KLF7: variants seen among roughly 807,000 people sequenced by gnomAD.
The protein encoded by KLF7 is Krueppel-like factor 7.
A neutral mutation model predicts 27.3 loss-of-function variants in KLF7; 2 were observed. The observed-to-expected ratio is 0.07, with a 90% CI of 0.03 to 0.23. The LOEUF (loss-of-function observed/expected upper bound fraction) is 0.23. Among genes scored for constraint, KLF7 ranks in the 10% least tolerant of loss-of-function variants. KLF7 has a pLI of 1.00. For missense variants in KLF7, 221 were observed against 394.1 expected (o/e 0.56, Z 3.72); for synonymous variants, 165 against 162.4 (o/e 1.02, Z -0.12).
At chr2:207,086,390 C>T (rs1003898429) in intron 3 of KLF7, among the ~76,000 whole-genome samples, 3 of 152,212 alleles carry the variant, frequency 2.0e-5, no homozygotes, top group African/African-American at 7.2e-5. Flanking sequence ...TGTCATGAGA[C>T]ACTAATGGGA....
At chr2:207,145,018 C>T (rs893498066) in intron 1 of KLF7, among the ~76,000 whole-genome samples, 1 of 152,204 alleles carries the variant, frequency 6.6e-6, no homozygotes, top group African/African-American at 2.4e-5. Context: ...TTATTATTCA[C>T]ATTTGTCAAC....
At chr2:207,098,679 T>G (rs552778820) in intron 2 of KLF7, among the ~76,000 whole-genome samples, 32 of 151,600 alleles carry the variant, frequency 2.1e-4, no homozygotes, top group African/African-American at 7.8e-4. Context: ...CAGACTGGAG[T>G]GCAGGGGTGC....
At chr2:207,120,076 T>C (rs1003338477) in intron 2 of KLF7, among the ~76,000 whole-genome samples, 1 of 152,182 alleles carries the variant, frequency 6.6e-6, no homozygotes, top group Non-Finnish European at 1.5e-5. Context: ...CGCCTCGTTA[T>C]CCTGCACCTC....
chr2:207,103,233 G>A (rs2076808572), intron 2 of KLF7, among the ~76,000 whole-genome samples: 1 of 152,152 alleles, frequency 6.6e-6, no homozygotes, highest in Non-Finnish European at 1.5e-5. Context: ...CAATCAAGCT[G>A]TACTTTTAAA....
At chr2:207,103,076 C>T (rs570091271) in intron 2 of KLF7, among the ~76,000 whole-genome samples, 16 of 152,100 alleles carry the variant, frequency 1.1e-4, no homozygotes, top group African/African-American at 3.6e-4. Context: ...TACAGGTGCC[C>T]GCCACCACAC....
At chr2:207,105,011 T>G (rs902496036) in intron 2 of KLF7, among the ~76,000 whole-genome samples, 28 of 152,190 alleles carry the variant, frequency 1.8e-4, no homozygotes, top group African/African-American at 6.3e-4. Context: ...GCTCACAGAA[T>G]GGTACTACTG....
Position 207,113,612 on chromosome 2 carries a change from G to A in KLF7, c.733+10162C>T, listed in dbSNP as rs1002033592. ...ATACAAAGTGGAATGGGGGGTGGGG[G>A]GGGGGGGGAAATGATGCAGTTACCT... On this transcript the variant is annotated intron_variant, in intron 2 of 3. Coordinates refer to ENST00000309446, the MANE Select transcript of KLF7 (RefSeq NM_003709.4). 8.4e-5 allele frequency among the ~76,000 whole-genome samples: 11 copies of A among 131,272 alleles called. 2 individuals carry two copies. The highest frequency in any genetic ancestry group is 3.0e-4 in the Admixed American group (4 of 13,184). The allele number at this position is 131,272 out of a possible 152,430, so 86.1% of individuals were successfully genotyped here.
At chr2:207,171,168 C>T (rs1002353446), upstream of KLF7, among the ~76,000 whole-genome samples, 1 of 151,478 alleles carries the variant, frequency 6.6e-6, no homozygotes, top group African/African-American at 2.4e-5. Context: ...GGGTTCAAGA[C>T]TTCAGTGGAG....
chr2:207,151,382 G>A (rs950537128), intron 1 of KLF7, among the ~76,000 whole-genome samples: 6 of 151,752 alleles, frequency 4.0e-5, no homozygotes, highest in East Asian at 3.9e-4. Context: ...CCAGTTATCC[G>A]CAAATTGAGG....
Position 207,136,046 on chromosome 2 carries a change from A to C in KLF7, c.103-11642T>G, listed in dbSNP as rs2077775703. ...AATTAGGATGAGTGAACAAAACGCTATTTTCAACTGTCATTTTTTATTGGT... is the reference window on the plus strand; with the variant it reads ...AATTAGGATGAGTGAACAAAACGCTCTTTTCAACTGTCATTTTTTATTGGT... On this transcript the variant is annotated intron_variant, in intron 1 of 3. Transcript: ENST00000309446. 2.0e-5 allele frequency among the ~76,000 whole-genome samples: 3 copies of C among 152,026 alleles called. No homozygotes were observed. The South Asian group carries it at 6.2e-4, about 32-fold the overall frequency.
chr2:207,099,551 GATATATAT>G (rs59383415), intron 2 of KLF7, among the ~76,000 whole-genome samples: 898 of 57,580 alleles, frequency 0.016, 102 homozygotes, highest in Middle Eastern at 0.073. Flanking sequence ...CTACATATGC[GATATATAT>G]ATATATATAT....
At chr2:207,082,245 G>A (rs1162215064) in intron 3 of KLF7, among the ~76,000 whole-genome samples, 1 of 152,126 alleles carries the variant, frequency 6.6e-6, no homozygotes, top group Non-Finnish European at 1.5e-5. Context: ...ACCTGTAAAG[G>A]CCAATGAGAA....
intron 1 of KLF7, among the ~76,000 whole-genome samples, chr2:207,138,155 G>A (rs567293360): frequency 1.3e-5 from 2 of 152,270 alleles, no homozygotes; most frequent in African/African-American, 4.8e-5. Context: ...CTTTGTTCCT[G>A]TCTGAACCAA....
At chr2:207,132,143 G>T (rs1003952364) in intron 1 of KLF7, among the ~76,000 whole-genome samples, 1 of 152,114 alleles carries the variant, frequency 6.6e-6, no homozygotes, top group African/African-American at 2.4e-5. Flanking sequence ...GACAGTATGA[G>T]TGAAAATCTT....
Position 207,154,013 on chromosome 2 carries a change from C to T in KLF7, c.102+11454G>A, listed in dbSNP as rs1181248905. 3.3e-5 allele frequency among the ~76,000 whole-genome samples: 5 copies of T among 152,160 alleles called. No individual in the cohort carries two copies. In the South Asian group the frequency reaches 6.2e-4, roughly 19 times the overall value. ...CATATGCATGATTCTTCCCCTCCCC[C>T]ATAAAACTCTCAACAGGAACAACCA... On this transcript the variant is annotated intron_variant, in intron 1 of 3. Coordinates refer to ENST00000309446, the MANE Select transcript of KLF7 (RefSeq NM_003709.4).
chr2:207,162,332 C>G (rs779483676), intron 1 of KLF7, among the ~76,000 whole-genome samples: 2 of 152,188 alleles, frequency 1.3e-5, no homozygotes, highest in Admixed American at 6.5e-5. Flanking sequence ...TACAAGTTTT[C>G]AAAGCGCTTA....
rs2076253147 is a variant in KLF7, at chr2:207,080,867, T to G, written c.*346A>C. Reference sequence around the variant, plus strand: ...GACGTCACATCCATTTTCTTTGATTTCCATTGGCAACAGCGGGAAATAATT... The same window carrying G: ...GACGTCACATCCATTTTCTTTGATTGCCATTGGCAACAGCGGGAAATAATT... On this transcript the variant is annotated 3_prime_UTR_variant, in exon 4 of 4. Transcript: ENST00000309446. 1 of 414,792 alleles carries G rather than the reference T, an allele frequency of 2.4e-6. No homozygotes were observed. Among genetic ancestry groups the G allele is most frequent in the Non-Finnish European group, 4.2e-6 (1 of 235,344 alleles). The allele number at this position is 414,792 out of a possible 1,614,324, so 25.7% of individuals were successfully genotyped here. A position where few individuals can be genotyped will look rare whatever the true frequency, so the allele number is the denominator to read the frequency against.
chr2:207,148,593 C>A (rs1466122951), intron 1 of KLF7, among the ~76,000 whole-genome samples: 3 of 152,144 alleles, frequency 2.0e-5, no homozygotes, highest in African/African-American at 7.2e-5. Context: ...TTCATTTTGC[C>A]CATATTTTTT....
intron 1 of KLF7, among the ~76,000 whole-genome samples, chr2:207,162,587 A>G (rs1422755180): frequency 6.6e-6 from 1 of 152,260 alleles, no homozygotes; most frequent in Non-Finnish European, 1.5e-5. Context: ...CATCATTGCC[A>G]GAAAATCCAA....
Sources: allele counts gnomAD v4.1 joint callset (sites outside exome capture counted in the v4.1 genomes callset), GRCh38; gene constraint gnomAD v4.1.1; transcripts MANE v1.5; gene names NCBI Gene and HGNC (gene_info 2026-07-23, HGNC 2026-07-21).